Variants in FBXL17 observed in about 807,000 individuals in gnomAD.
FBXL17 encodes the protein F-box and leucine rich repeat protein 17, also known as F-box/LRR-repeat protein 17.
Under a neutral mutation model 66.2 loss-of-function variants are expected in FBXL17, and 22 were observed. That is an observed-to-expected ratio of 0.33 (90% CI 0.24 to 0.47). FBXL17 has a LOEUF of 0.47. Ranked by LOEUF, FBXL17 falls within the 20% of genes least tolerant of loss-of-function variation. The pLI is 1.00. For synonymous variants in FBXL17, 474 were observed against 400.5 expected, an observed-to-expected ratio of 1.18 and a Z score of -2.19; for missense variants, 878 against 948.2, an observed-to-expected ratio of 0.93 and a Z score of 0.97.
chr5:108,374,816 G>T (rs1749307806), intron 1 of FBXL17, among the ~76,000 whole-genome samples: 1 of 152,058 alleles, frequency 6.6e-6, no homozygotes, highest in African/African-American at 2.4e-5. Context: ...AAGAAAACTA[G>T]AAAATAATTT....
At chr5:108,226,512 G>A (rs2150079473) in intron 4 of FBXL17, among the ~76,000 whole-genome samples, 1 of 152,220 alleles carries the variant, frequency 6.6e-6, no homozygotes, top group African/African-American at 2.4e-5. Flanking sequence ...TTAAAGAACT[G>A]GGAGGAGGCA....
intron 4 of FBXL17, among the ~76,000 whole-genome samples, chr5:108,291,412 A>G (rs1215016799): frequency 1.3e-5 from 2 of 152,218 alleles, no homozygotes. Context: ...CCTACAAGAC[A>G]GCTGGTAGCA....
At chr5:108,087,262 C>CA (rs1469671262) in intron 6 of FBXL17, among the ~76,000 whole-genome samples, 1 of 152,186 alleles carries the variant, frequency 6.6e-6, no homozygotes, top group Non-Finnish European at 1.5e-5. Context: ...GTATTCAACT[C>CA]AATTACTTGG....
intron 4 of FBXL17, among the ~76,000 whole-genome samples, chr5:108,302,708 C>T (rs1758649316): frequency 6.6e-6 from 1 of 151,764 alleles, no homozygotes; most frequent in Non-Finnish European, 1.5e-5. Flanking sequence ...TGTTCAGCCA[C>T]TGACAGTTAT....
At chr5:108,081,713 A>G (rs1348153498) in intron 6 of FBXL17, among the ~76,000 whole-genome samples, 1 of 151,918 alleles carries the variant, frequency 6.6e-6, no homozygotes, top group African/African-American at 2.4e-5. Flanking sequence ...ACAGAGTGAG[A>G]CTCTGTCTCA....
chr5:108,299,430 A>C, intron 4 of FBXL17: 3 of 950,352 alleles, frequency 3.2e-6, no homozygotes, highest in Non-Finnish European at 3.8e-6. Context: ...GTACTAAAAA[A>C]CAAAGACACA....
intron 1 of FBXL17, among the ~76,000 whole-genome samples, chr5:108,379,165 C>A (rs559194034): frequency 6.6e-6 from 1 of 151,432 alleles, no homozygotes; most frequent in Non-Finnish European, 1.5e-5. Flanking sequence ...CCTTTTTTTT[C>A]TCGGCATTAA....
At chr5:108,012,954 G>C (rs1201953200) in intron 7 of FBXL17, among the ~76,000 whole-genome samples, 3 of 148,430 alleles carry the variant, frequency 2.0e-5, no homozygotes, top group Non-Finnish European at 4.4e-5. Flanking sequence ...GGCGGAGGTT[G>C]CGTCAGCCAA....
rs991663410 is a variant in FBXL17, at chr5:108,293,766, C to A, written c.1506+54633G>T. 5.9e-5 allele frequency among the ~76,000 whole-genome samples: 9 copies of A among 152,024 alleles called. No individual in the cohort carries two copies. The South Asian group carries it at 1.9e-3, about 32-fold the overall frequency. On this transcript the variant is annotated intron_variant, in intron 4 of 8. Coordinates refer to ENST00000542267, the MANE Select transcript of FBXL17 (RefSeq NM_001163315.3). Reference sequence around the variant, plus strand: ...TCAGAAGTAATGTATTTTGGCCAGGCGTGGTGGTTCATGCCTGTAATCCCA... The same window carrying A: ...TCAGAAGTAATGTATTTTGGCCAGGAGTGGTGGTTCATGCCTGTAATCCCA...
intron 4 of FBXL17, among the ~76,000 whole-genome samples, chr5:108,295,592 G>A (rs1758312350): frequency 6.6e-6 from 1 of 151,886 alleles, no homozygotes; most frequent in Non-Finnish European, 1.5e-5. Flanking sequence ...GAAATTGACA[G>A]ATCAAACAAA....
intron 6 of FBXL17, among the ~76,000 whole-genome samples, chr5:108,083,255 AG>A (rs1174481837): frequency 8.2e-6 from 1 of 122,312 alleles, no homozygotes; most frequent in African/African-American, 3.7e-5. Context: ...ACACACAGAG[AG>A]AGAGATAGAC....
At chr5:107,912,877 C>G (rs1749999235) in intron 7 of FBXL17, among the ~76,000 whole-genome samples, 1 of 152,058 alleles carries the variant, frequency 6.6e-6, no homozygotes, top group Non-Finnish European at 1.5e-5. Flanking sequence ...AGCTCTGCCA[C>G]TTATTTCCAT....
chr5:108,379,104 G>C (rs1389873488), intron 1 of FBXL17, among the ~76,000 whole-genome samples: 1 of 152,154 alleles, frequency 6.6e-6, no homozygotes, highest in Non-Finnish European at 1.5e-5. Context: ...CGCGGTATAG[G>C]ATAAGTTTAT....
chr5:108,029,011 A>G (rs1561375489), intron 6 of FBXL17, among the ~76,000 whole-genome samples: 1 of 152,194 alleles, frequency 6.6e-6, no homozygotes, highest in South Asian at 2.1e-4. Context: ...AGAGGAAAGC[A>G]GGTCAACATC....
intron 5 of FBXL17, among the ~76,000 whole-genome samples, chr5:108,194,153 C>A (rs1753582254): frequency 6.6e-6 from 1 of 152,120 alleles, no homozygotes; most frequent in South Asian, 2.1e-4. Flanking sequence ...CCCTACCATT[C>A]CCTGAAATCT....
intron 5 of FBXL17, among the ~76,000 whole-genome samples, chr5:108,221,696 G>A (rs1754873344): frequency 6.6e-6 from 1 of 152,108 alleles, no homozygotes. Flanking sequence ...TTTAAGGGGT[G>A]TTTATATGAT....
At chr5:108,005,203 C>T (rs1753879455) in intron 7 of FBXL17, among the ~76,000 whole-genome samples, 1 of 151,656 alleles carries the variant, frequency 6.6e-6, no homozygotes, top group African/African-American at 2.4e-5. Context: ...TTTTCTCCCT[C>T]ATGCAAAAAT....
intron 1 of FBXL17, 26 bp downstream of exon 1, chr5:108,380,673 T>A (rs1412895899): frequency 8.1e-7 from 1 of 1,236,364 alleles, no homozygotes; most frequent in Non-Finnish European, 1.0e-6. Context: ...AAAGCGAGCA[T>A]CCCTGCGCCT....
At chr5:108,114,337 T>A (rs1226924039) in intron 6 of FBXL17, among the ~76,000 whole-genome samples, 1 of 152,192 alleles carries the variant, frequency 6.6e-6, no homozygotes, top group Non-Finnish European at 1.5e-5. Flanking sequence ...CCCTATAAGT[T>A]GTCTCTTGTT....
Sources: allele counts gnomAD v4.1 joint callset (sites outside exome capture counted in the v4.1 genomes callset), GRCh38; gene constraint gnomAD v4.1.1; transcripts MANE v1.5; gene names NCBI Gene and HGNC (gene_info 2026-07-23, HGNC 2026-07-21).